Variants in CFAP20DC observed in about 807,000 individuals in gnomAD.
The protein encoded by CFAP20DC is protein CFAP20DC.
Under a neutral mutation model 101.7 loss-of-function variants are expected in CFAP20DC, and 84 were observed. That is an observed-to-expected ratio of 0.83 (90% CI 0.69 to 0.99). The LOEUF (loss-of-function observed/expected upper bound fraction) is 0.99. Among genes scored for constraint, CFAP20DC ranks in the 50% least tolerant of loss-of-function variants. The pLI is 0.00. For synonymous variants in CFAP20DC, 359 were observed against 351.2 expected, an observed-to-expected ratio of 1.02 and a Z score of -0.25; for missense variants, 1,007 against 970.3, an observed-to-expected ratio of 1.04 and a Z score of -0.50.
chr3:58,939,930 C>A (rs1214721798), intron 4 of CFAP20DC, among the ~76,000 whole-genome samples: 1 of 151,930 alleles, frequency 6.6e-6, no homozygotes, highest in Admixed American at 6.6e-5. Context: ...TTATGCCCAG[C>A]TAATTTTTGT....
intron 4 of CFAP20DC, among the ~76,000 whole-genome samples, chr3:58,983,012 T>C (rs1436705064): frequency 6.6e-6 from 1 of 152,046 alleles, no homozygotes; most frequent in African/African-American, 2.4e-5. Flanking sequence ...ATTAAGCATA[T>C]GCAGATGAAG....
intron 4 of CFAP20DC, among the ~76,000 whole-genome samples, chr3:58,982,338 T>G (rs1046637322): frequency 1.3e-5 from 2 of 152,170 alleles, no homozygotes; most frequent in African/African-American, 4.8e-5. Context: ...AAATACCATT[T>G]GACCCAGCCA....
chr3:58,959,799 T>A (rs533622831), intron 4 of CFAP20DC, among the ~76,000 whole-genome samples: 67 of 152,350 alleles, frequency 4.4e-4, no homozygotes, highest in African/African-American at 1.5e-3. Flanking sequence ...CAACAAGTGC[T>A]CACTGGGATT....
At position 58,729,625 on chromosome 3, in the gene CFAP20DC, G is replaced by A. The variant is rs141720612; in HGVS notation, c.198-11997C>T. Among the ~76,000 whole-genome samples the A allele has an allele frequency of 4.4e-4, 67 of 152,194 alleles. No individual in the cohort carries two copies. Among genetic ancestry groups the A allele is most frequent in the African/African-American group, 1.5e-3 (62 of 41,544 alleles). On this transcript the variant is annotated intron_variant, in intron 3 of 3. Transcript: ENST00000486145. The surrounding 1 kb of genome is among the most constrained non-coding windows in gnomAD (Gnocchi z 4.4). ...GTGTTGTGTCTTTCTAATTCATATG[G>A]CTTTTATTTTTAATTCTGGCTTTAT...
intron 15 of CFAP20DC, among the ~76,000 whole-genome samples, chr3:58,792,243 T>C (rs371159672): frequency 3.5e-4 from 54 of 152,274 alleles, no homozygotes; most frequent in African/African-American, 1.2e-3. Flanking sequence ...CATAATCATG[T>C]CTGGGATTCA....
At chr3:58,835,999 G>A (rs765594641) in intron 13 of CFAP20DC, among the ~76,000 whole-genome samples, 2 of 152,132 alleles carry the variant, frequency 1.3e-5, no homozygotes, top group Non-Finnish European at 2.9e-5. Context: ...TTATCAATCA[G>A]ATTTGTCCTA....
intron 3 of CFAP20DC, among the ~76,000 whole-genome samples, chr3:58,736,356 T>A (rs1039521710): frequency 2.0e-5 from 3 of 152,190 alleles, no homozygotes; most frequent in African/African-American, 7.2e-5. Context: ...TGGTGAAATT[T>A]TGATTGATTT....
intron 14 of CFAP20DC, among the ~76,000 whole-genome samples, chr3:58,817,944 G>C (rs773706070): frequency 6.7e-6 from 1 of 150,216 alleles, no homozygotes; most frequent in Non-Finnish European, 1.5e-5. Flanking sequence ...CGGATCTCTC[G>C]GCAGAAACTC....
At chr3:59,023,927 A>C (rs2093848570) in intron 4 of CFAP20DC, among the ~76,000 whole-genome samples, 1 of 152,102 alleles carries the variant, frequency 6.6e-6, no homozygotes, top group Admixed American at 6.6e-5. Context: ...TAAAACATAT[A>C]AACATTTTCA....
At chr3:58,830,328 C>T (rs73837971) in intron 14 of CFAP20DC, among the ~76,000 whole-genome samples, 5,131 of 152,252 alleles carry the variant, frequency 0.034, 280 homozygotes, top group African/African-American at 0.12. Context: ...CATTTGACAA[C>T]TGAGTCACCA....
intron 4 of CFAP20DC, among the ~76,000 whole-genome samples, chr3:58,973,080 T>C (rs2092046391): frequency 6.6e-6 from 1 of 152,240 alleles, no homozygotes; most frequent in Admixed American, 6.5e-5. Flanking sequence ...AGGCTCTCTT[T>C]TTAATTTTTT....
intron 4 of CFAP20DC, chr3:59,017,294 G>C (rs1209030805): frequency 6.6e-6 from 1 of 152,102 alleles, no homozygotes; most frequent in Non-Finnish European, 1.5e-5. Context: ...AGGGGAACTA[G>C]TACTGGCTTC....
At chr3:58,736,562 T>C (rs931179456) in intron 3 of CFAP20DC, among the ~76,000 whole-genome samples, 2 of 152,208 alleles carry the variant, frequency 1.3e-5, no homozygotes, top group African/African-American at 4.8e-5. Flanking sequence ...AATACTCTCA[T>C]ATAATTTTGC....
Position 58,914,692 on chromosome 3 carries a change from A to T in CFAP20DC, c.394-828T>A, listed in dbSNP as rs115441038. Among the ~76,000 whole-genome samples the T allele has an allele frequency of 0.17, 24,453 of 147,914 alleles. 2,192 individuals carry two copies. Among genetic ancestry groups the T allele is most frequent in the Non-Finnish European group, 0.2 (13,726 of 67,092 alleles). On this transcript the variant is annotated intron_variant, in intron 5 of 16. Transcript: ENST00000482387. This position sits in a 1 kb window ranked among gnomAD's most constrained non-coding sequence, Gnocchi z 4.9. ...TGTATATATAAATATATATATATAT[A>T]TTTTTTTTCTTTTTTTTAAAGACAA... is the stretch of plus-strand genomic sequence containing the variant.
rs1671243237 is a variant in CFAP20DC at position 58,869,600 on chromosome 3, T to C, written c.853-110A>G. On this transcript the variant is annotated intron_variant, in intron 8 of 16. Coordinates refer to ENST00000482387, the MANE Select transcript of CFAP20DC (RefSeq NM_001394063.1). This position sits in a 1 kb window ranked among gnomAD's most constrained non-coding sequence, Gnocchi z 4.3. ...GACCAATGAAGAGTGAGAAAAAAAC[T>C]AGAGGAAATGAGGTTAAGATGTGAA... 1.3e-6 allele frequency: 1 copy of C among 772,156 alleles called. No individual in the cohort carries two copies. Among genetic ancestry groups the C allele is most frequent in the African/African-American group, 1.8e-5 (1 of 55,656 alleles). The allele number at this position is 772,156 out of a possible 1,614,324, so 47.8% of individuals were successfully genotyped here. A position where few individuals can be genotyped will look rare whatever the true frequency, so the allele number is the denominator to read the frequency against.
rs985495985 is a variant in CFAP20DC, at chr3:58,747,154, A to AT, written c.2333-4583dup. On this transcript the variant is annotated intron_variant, in intron 16 of 16. Transcript: ENST00000482387. ...GCATCTGGATAGGGGTCCAAATTAC[A>AT]TTTTTTTCTCTTCTACACACAATAA... 2.4e-4 allele frequency among the ~76,000 whole-genome samples: 37 copies of AT among 152,230 alleles called. No homozygotes were observed. In the Middle Eastern group the frequency reaches 0.01, roughly 42 times the overall value.
At position 58,871,743 on chromosome 3, in the gene CFAP20DC, G is replaced by C. The variant is rs143434983; in HGVS notation, c.716-1434C>G. 2.0e-5 allele frequency among the ~76,000 whole-genome samples: 3 copies of C among 152,152 alleles called. No individual in the cohort carries two copies. The South Asian group carries it at 6.2e-4, about 32-fold the overall frequency. ...GGGTTTCACCCTGTCGGCCAGGCTG[G>C]TCTCGAACTCCTGACCTCAAGTGAT... is the stretch of plus-strand genomic sequence containing the variant. On this transcript the variant is annotated intron_variant, in intron 7 of 16. Transcript: ENST00000482387.
rs141341222 is a variant in CFAP20DC, at chr3:58,800,933, G to A, written c.2237+5462C>T. Among the ~76,000 whole-genome samples the A allele has an allele frequency of 8.6e-3, 1,229 of 143,664 alleles. 18 individuals are homozygous for A. The highest frequency in any genetic ancestry group is 0.03 in the African/African-American group (1,169 of 39,154). The allele number at this position is 143,664 out of a possible 152,430, so 94.2% of individuals were successfully genotyped here. ...TTTTCATTTTCCATGGTGTCCAGGTGTATACCTACTCACTTGCTCATGCCC... is the reference window on the plus strand; with the variant it reads ...TTTTCATTTTCCATGGTGTCCAGGTATATACCTACTCACTTGCTCATGCCC... On this transcript the variant is annotated intron_variant, in intron 15 of 16. Transcript: ENST00000482387.
intron 4 of CFAP20DC, among the ~76,000 whole-genome samples, chr3:58,973,527 G>A (rs956082161): frequency 6.6e-6 from 1 of 152,116 alleles, no homozygotes; most frequent in African/African-American, 2.4e-5. Flanking sequence ...CTTACATGGG[G>A]ATCAGATTAT....
Sources: allele counts gnomAD v4.1 joint callset (sites outside exome capture counted in the v4.1 genomes callset), GRCh38; gene constraint gnomAD v4.1.1; non-coding constraint Gnocchi (gnomAD v3.1); transcripts MANE v1.5; gene names NCBI Gene and HGNC (gene_info 2026-07-23, HGNC 2026-07-21).